Variants in MYO6 observed in about 807,000 individuals in gnomAD.
MYO6 encodes unconventional myosin-VI.
In MYO6, 74 loss-of-function variants were observed where a neutral mutation model predicts 178.7. The observed-to-expected ratio is 0.41, with a 90% CI of 0.34 to 0.50. MYO6 has a LOEUF of 0.50. Among genes scored for constraint, MYO6 ranks in the 20% least tolerant of loss-of-function variants. The pLI, the probability that MYO6 is intolerant of heterozygous loss-of-function variation, is 0.09. For synonymous variants in MYO6, 477 were observed against 504.6 expected (o/e 0.95, Z 0.73); for missense variants, 1,330 against 1,547.4 (o/e 0.86, Z 2.36).
At chr6:75,817,959 G>T (rs551548067) in intron 2 of MYO6, among the ~76,000 whole-genome samples, 1 of 152,184 alleles carries the variant, frequency 6.6e-6, no homozygotes, top group African/African-American at 2.4e-5. Flanking sequence ...CTAGCTGTAT[G>T]ATAAAATCTA....
chr6:75,911,777 AGTT>A (rs940436803), intron 33 of MYO6, 79 bp downstream of exon 33: 3 of 1,385,016 alleles, frequency 2.2e-6, no homozygotes, highest in Admixed American at 3.4e-5. Flanking sequence ...TTCTATTAAA[AGTT>A]GTTTTGCTAC....
At chr6:75,783,372 C>A (rs1767182384) in intron 1 of MYO6, among the ~76,000 whole-genome samples, 1 of 152,116 alleles carries the variant, frequency 6.6e-6, no homozygotes, top group Admixed American at 6.6e-5. Flanking sequence ...GTTCACTGAA[C>A]CGGTAACCCA....
intron 1 of MYO6, among the ~76,000 whole-genome samples, chr6:75,751,834 T>A (rs1776925241): frequency 6.6e-6 from 1 of 152,190 alleles, no homozygotes; most frequent in South Asian, 2.1e-4. Context: ...AAAAAACCCA[T>A]TTTAACTTTC....
intron 1 of MYO6, among the ~76,000 whole-genome samples, chr6:75,808,592 G>C (rs377508118): frequency 1.1e-4 from 16 of 152,316 alleles, no homozygotes; most frequent in East Asian, 7.7e-4. Flanking sequence ...GTAGGTGGGA[G>C]AGATGGGCCT....
intron 1 of MYO6, among the ~76,000 whole-genome samples, chr6:75,792,623 T>C (rs1416727949): frequency 2.6e-5 from 4 of 152,152 alleles, no homozygotes; most frequent in Non-Finnish European, 5.9e-5. Flanking sequence ...ACTTTTTTTT[T>C]TGTGGGATTG....
At chr6:75,868,385 A>G (rs552623512) in intron 18 of MYO6, among the ~76,000 whole-genome samples, 103 of 152,078 alleles carry the variant, frequency 6.8e-4, no homozygotes, top group African/African-American at 2.4e-3. Flanking sequence ...ATATTTGCCT[A>G]TATGAAATGG....
chr6:75,909,011 A>T (rs778326248), intron 32 of MYO6, among the ~76,000 whole-genome samples: 24 of 152,160 alleles, frequency 1.6e-4, no homozygotes, highest in Non-Finnish European at 2.9e-4. Context: ...ATGAGTTGCT[A>T]AAAAGGATGA....
At chr6:75,801,328 G>A (rs1240812645) in intron 1 of MYO6, among the ~76,000 whole-genome samples, 2 of 151,736 alleles carry the variant, frequency 1.3e-5, no homozygotes, top group South Asian at 2.1e-4. Flanking sequence ...AGAGAGGGAC[G>A]AGAGGAGAGG....
At chr6:75,861,216 A>G (rs941886936) in intron 15 of MYO6, 121 bp downstream of exon 15, 3 of 829,142 alleles carry the variant, frequency 3.6e-6, no homozygotes, top group Middle Eastern at 4.8e-4. Context: ...GGTATTTGAG[A>G]GAAGGTTACT....
chr6:75,854,640 C>T (rs754280133), intron 11 of MYO6, among the ~76,000 whole-genome samples: 11 of 152,004 alleles, frequency 7.2e-5, no homozygotes, highest in Non-Finnish European at 1.3e-4. Flanking sequence ...CTCTTCACTC[C>T]CTTCGACCCC....
intron 1 of MYO6, among the ~76,000 whole-genome samples, chr6:75,813,083 C>G (rs1278594522): frequency 6.6e-6 from 1 of 152,288 alleles, no homozygotes; most frequent in Middle Eastern, 3.4e-3. Flanking sequence ...ATTCTGTGTA[C>G]TTACTATTAC....
At position 75,890,108 on chromosome 6, in the gene MYO6, A is replaced by G; in HGVS notation, c.2710A>G (p.Lys904Glu). 1 of 1,614,046 alleles carries G rather than the reference A, an allele frequency of 6.2e-7. No individual in the cohort carries two copies. Among genetic ancestry groups the G allele is most frequent in the East Asian group, 2.2e-5 (1 of 44,868 alleles). The change falls in exon 26 of 35, where the codon AAA becomes GAA. Residue 904 changes from lysine (K) to glutamate (E), a missense_variant. Physicochemically the swap from Lys to Glu is moderately conservative, Grantham distance 56 (BLOSUM62 1). This residue lies in a region of MYO6 where 601 missense variants were observed against 626.1 expected (regional missense o/e 0.96). Transcript: ENST00000369977. ...CCAGAAAGAATATGATGCACTGGTT[A>G]AAAGCTCAGAGGAACTCCTCAGTGC... ...QIQKEYDALV[K>E]SSEELLSALQ...
At chr6:75,855,101 A>G (rs748117047) in intron 11 of MYO6, 38 bp from the exon 12 acceptor site, 1 of 1,510,490 alleles carries the variant, frequency 6.6e-7, no homozygotes, top group Non-Finnish European at 9.1e-7. Context: ...TGGTTTATAT[A>G]ATACTTATTA....
rs1056325268 is a variant in MYO6, at chr6:75,812,823, C to T, written c.-47-4678C>T. On this transcript the variant is annotated intron_variant, in intron 1 of 34. Coordinates refer to ENST00000369977, the MANE Select transcript of MYO6 (RefSeq NM_004999.4). The stretch of plus-strand genomic sequence containing the variant: ...AATAATACTCCACTGTATATATGCA[C>T]CATGTTGTCTTTATCCATTCTTCTG... Among the ~76,000 whole-genome samples, 3 of 152,096 alleles carry T rather than the reference C, an allele frequency of 2.0e-5. No individual in the cohort carries two copies. In the South Asian group the frequency reaches 6.2e-4, roughly 32 times the overall value.
At chr6:75,881,569 T>C in intron 22 of MYO6, 120 bp from the exon 23 acceptor site, 1 of 988,644 alleles carries the variant, frequency 1.0e-6, no homozygotes, top group Non-Finnish European at 1.5e-6. Context: ...GCCTATGTAA[T>C]TGACATGTGA....
intron 1 of MYO6, among the ~76,000 whole-genome samples, chr6:75,813,218 T>G (rs2150153111): frequency 6.6e-6 from 1 of 152,286 alleles, no homozygotes; most frequent in African/African-American, 2.4e-5. Context: ...TGCTGTATTC[T>G]GAAGCTGAGC....
intron 4 of MYO6, 105 bp from the exon 5 acceptor site, chr6:75,830,311 A>G: frequency 1.9e-6 from 2 of 1,026,354 alleles, no homozygotes; most frequent in East Asian, 5.2e-5. Context: ...TCTTAGTTAT[A>G]TAGATAATTG....
At chr6:75,887,667 A>G (rs888050683) in intron 25 of MYO6, among the ~76,000 whole-genome samples, 28 of 145,546 alleles carry the variant, frequency 1.9e-4, no homozygotes, top group Non-Finnish European at 3.8e-4. Context: ...AAAAAAGAAA[A>G]CTAAAGTTGG....
At chr6:75,902,901 G>A (rs1411595685) in intron 30 of MYO6, among the ~76,000 whole-genome samples, 4 of 151,850 alleles carry the variant, frequency 2.6e-5, no homozygotes, top group Non-Finnish European at 4.4e-5. Flanking sequence ...CGTTGAATGC[G>A]TCCCAGAGAT....
Sources: allele counts gnomAD v4.1 joint callset (sites outside exome capture counted in the v4.1 genomes callset), GRCh38; gene constraint gnomAD v4.1.1; regional missense constraint gnomAD v4.1.1; transcripts MANE v1.5; gene names NCBI Gene and HGNC (gene_info 2026-07-23, HGNC 2026-07-21).